ZDHHC2: variants seen among roughly 807,000 people sequenced by gnomAD.
The protein encoded by ZDHHC2 is zDHHC palmitoyltransferase 2.
Under a neutral mutation model 55.6 loss-of-function variants are expected in ZDHHC2, and 51 were observed. That is an observed-to-expected ratio of 0.92 (90% confidence interval 0.73 to 1.16). ZDHHC2 has a LOEUF of 1.16. Among genes scored for constraint, ZDHHC2 ranks in the 50% most tolerant of loss-of-function variants. The pLI, the probability that ZDHHC2 is intolerant of heterozygous loss-of-function variation, is 0.00. For missense variants in ZDHHC2, 491 were observed against 442.4 expected (o/e 1.11, Z -0.99); for synonymous variants, 199 against 152.9 (o/e 1.30, Z -2.22).
At chr8:17,183,576 C>G (rs576581464) in intron 1 of ZDHHC2, among the ~76,000 whole-genome samples, 1 of 152,248 alleles carries the variant, frequency 6.6e-6, no homozygotes, top group Admixed American at 6.5e-5. Context: ...TTTACAGATG[C>G]CACATCTACG....
chr8:17,201,504 T>G (rs1209408356), intron 6 of ZDHHC2, among the ~76,000 whole-genome samples: 12 of 132,766 alleles, frequency 9.0e-5, no homozygotes, highest in Admixed American at 3.1e-4. Context: ...TTTTTTTTTT[T>G]TTTTTTTAGA....
chr8:17,198,021 C>T (rs1042045145), intron 5 of ZDHHC2, among the ~76,000 whole-genome samples: 1 of 152,194 alleles, frequency 6.6e-6, no homozygotes, highest in Non-Finnish European at 1.5e-5. Context: ...TATGACTTGG[C>T]ATAAGGATTG....
chr8:17,206,045 A>T (rs145360856), intron 7 of ZDHHC2, among the ~76,000 whole-genome samples: 3 of 152,332 alleles, frequency 2.0e-5, no homozygotes, highest in Admixed American at 2.0e-4. Context: ...GTTGAGGTTG[A>T]ACAAGACGAT....
rs759854849 is a variant in ZDHHC2 at position 17,210,389 on chromosome 8, C to G, written c.859C>G (p.Leu287Val). 1 of 1,612,290 alleles carries G rather than the reference C, an allele frequency of 6.2e-7. No homozygotes were observed. Among genetic ancestry groups the G allele is most frequent in the Non-Finnish European group, 8.5e-7 (1 of 1,179,290 alleles). ...TCTAAATTTTTATTTTAATTCTAGT[C>G]TAGGTGATGGCTGCTCCTTTCCAAC... ...KYWLLPIFSS[L>V]GDGCSFPTCL... The change falls in exon 10 of 13, where the codon CTA (leucine) becomes GTA (valine). Residue 287 changes from leucine (L) to valine (V), a missense_variant and splice_region_variant. By Grantham distance (32) the Leu-to-Val change is conservative. Transcript: ENST00000262096.
chr8:17,205,771 G>A lies in ZDHHC2; in HGVS notation c.593G>A (p.Trp198Ter), dbSNP rs1807068160. The change falls in exon 7 of 13, where the codon TGG becomes TAG. Residue 198 changes from tryptophan (W) to a stop codon, truncating the protein, a stop_gained. Coordinates refer to ENST00000262096, the MANE Select transcript of ZDHHC2 (RefSeq NM_016353.5). LOFTEE classifies it high-confidence loss of function. ...ATDLQYFIKF[W>*]TNGLPDTQAK... ...GATTTACAGTATTTTATCAAATTTT[G>A]GACAGTAAGTCATTAACTTGGTAAC... 2.5e-6 allele frequency: 4 copies of A among 1,601,392 alleles called. No individual in the cohort carries two copies. Among genetic ancestry groups the A allele is most frequent in the Non-Finnish European group, 2.6e-6 (3 of 1,175,906 alleles).
At chr8:17,179,523 C>T (rs1041195593) in intron 1 of ZDHHC2, among the ~76,000 whole-genome samples, 1 of 152,026 alleles carries the variant, frequency 6.6e-6, no homozygotes, top group African/African-American at 2.4e-5. Context: ...GTTCTCCTGC[C>T]CCCAGTCTCC....
chr8:17,199,387 T>C (rs1563160842), intron 6 of ZDHHC2, among the ~76,000 whole-genome samples: 1 of 151,884 alleles, frequency 6.6e-6, no homozygotes, highest in Non-Finnish European at 1.5e-5. Context: ...CACTCATTCT[T>C]TTGCCCCCCT....
At chr8:17,190,201 A>G (rs756196790) in intron 3 of ZDHHC2, among the ~76,000 whole-genome samples, 1 of 152,006 alleles carries the variant, frequency 6.6e-6, no homozygotes, top group Non-Finnish European at 1.5e-5. Context: ...GGTTGCAGTG[A>G]GCCGAGATCG....
intron 1 of ZDHHC2, among the ~76,000 whole-genome samples, chr8:17,182,347 T>A (rs1467745563): frequency 1.3e-5 from 2 of 152,138 alleles, no homozygotes; most frequent in Non-Finnish European, 2.9e-5. Context: ...TCATAGTGTT[T>A]TAAAAATAAT....
chr8:17,201,938 A>AC (rs747485135), intron 6 of ZDHHC2, among the ~76,000 whole-genome samples: 1 of 152,070 alleles, frequency 6.6e-6, no homozygotes, highest in Non-Finnish European at 1.5e-5. Flanking sequence ...ACTTAAGATT[A>AC]CCCACCAGAA....
At chr8:17,183,052 G>A (rs190984957) in intron 1 of ZDHHC2, among the ~76,000 whole-genome samples, 3 of 152,172 alleles carry the variant, frequency 2.0e-5, no homozygotes, top group Admixed American at 6.5e-5. Context: ...GTGAGCCACC[G>A]TGCCCAGCCC....
At chr8:17,167,053 G>T (rs566178786) in intron 1 of ZDHHC2, among the ~76,000 whole-genome samples, 46 of 152,232 alleles carry the variant, frequency 3.0e-4, no homozygotes, top group African/African-American at 9.9e-4. Context: ...ACCATGTCTG[G>T]TTTATGCACT....
At chr8:17,166,494 G>A (rs1804605802) in intron 1 of ZDHHC2, among the ~76,000 whole-genome samples, 1 of 152,188 alleles carries the variant, frequency 6.6e-6, no homozygotes, top group African/African-American at 2.4e-5. Context: ...ACATGAAGTT[G>A]GCATTTGGGA....
chr8:17,174,097 T>C (rs1483885881), intron 1 of ZDHHC2, among the ~76,000 whole-genome samples: 1 of 139,392 alleles, frequency 7.2e-6, no homozygotes, highest in African/African-American at 2.7e-5. Flanking sequence ...CTTCTTCTTC[T>C]TTTTTTTTTT....
chr8:17,218,552 T>A (rs916471626), intron 12 of ZDHHC2, among the ~76,000 whole-genome samples: 1 of 152,138 alleles, frequency 6.6e-6, no homozygotes, highest in African/African-American at 2.4e-5. Flanking sequence ...AATACCAGTA[T>A]TGTGGTTATT....
intron 6 of ZDHHC2, 42 bp downstream of exon 6, chr8:17,198,455 A>G: frequency 6.5e-7 from 1 of 1,536,662 alleles, no homozygotes; most frequent in Non-Finnish European, 8.8e-7. Context: ...GTCCCTTGTA[A>G]ATGTTAATAA....
At chr8:17,167,905 C>T (rs966909201) in intron 1 of ZDHHC2, among the ~76,000 whole-genome samples, 10 of 152,016 alleles carry the variant, frequency 6.6e-5, no homozygotes, top group African/African-American at 2.4e-4. Context: ...CTAGAGATAA[C>T]TGTAGTCCGT....
chr8:17,170,463 A>C (rs1194468607), intron 1 of ZDHHC2, among the ~76,000 whole-genome samples: 1 of 152,220 alleles, frequency 6.6e-6, no homozygotes, highest in African/African-American at 2.4e-5. Context: ...GAGAGTTGTA[A>C]AGTACTCATA....
chr8:17,162,897 G>C (rs1296860968), intron 1 of ZDHHC2: 1 of 152,270 alleles, frequency 6.6e-6, no homozygotes, highest in Non-Finnish European at 1.5e-5. Context: ...CACGTAAGTA[G>C]AAATGAGTTT....
Sources: allele counts gnomAD v4.1 joint callset (sites outside exome capture counted in the v4.1 genomes callset), GRCh38; gene constraint gnomAD v4.1.1; transcripts MANE v1.5; gene names NCBI Gene and HGNC (gene_info 2026-07-23, HGNC 2026-07-21).